LRFN2: variants seen among roughly 807,000 people sequenced by gnomAD.
LRFN2 encodes the protein leucine-rich repeat and fibronectin type-III domain-containing protein 2.
Under a neutral mutation model 37.3 loss-of-function variants are expected in LRFN2, and 18 were observed. The observed-to-expected ratio is 0.48, with a 90% CI of 0.33 to 0.72. LRFN2 has a LOEUF of 0.72. Among genes scored for constraint, LRFN2 ranks in the 30% least tolerant of loss-of-function variants. LRFN2 has a pLI of 0.02. For missense variants in LRFN2, 1,006 were observed against 1,060.7 expected (o/e 0.95, Z 0.72); for synonymous variants, 556 against 466.6 (o/e 1.19, Z -2.47).
chr6:40,423,819 G>A (rs1345635119), intron 2 of LRFN2, among the ~76,000 whole-genome samples: 2 of 152,098 alleles, frequency 1.3e-5, no homozygotes, highest in Non-Finnish European at 1.5e-5. Flanking sequence ...GGGATCACTG[G>A]TGCTCTAGCA....
At chr6:40,435,647 T>A (rs2113829313) in intron 1 of LRFN2, among the ~76,000 whole-genome samples, 1 of 152,254 alleles carries the variant, frequency 6.6e-6, no homozygotes, top group Middle Eastern at 3.4e-3. Context: ...CACGCCATTC[T>A]CCTGCCTCAG....
intron 1 of LRFN2, among the ~76,000 whole-genome samples, chr6:40,476,614 A>G (rs1327456556): frequency 2.6e-5 from 4 of 151,926 alleles, no homozygotes; most frequent in Non-Finnish European, 5.9e-5. Flanking sequence ...AAAGCTCAAC[A>G]CTCTTGGTCT....
intron 1 of LRFN2, among the ~76,000 whole-genome samples, chr6:40,567,088 G>A (rs1464034897): frequency 2.0e-5 from 3 of 152,078 alleles, no homozygotes; most frequent in Non-Finnish European, 4.4e-5. Flanking sequence ...GTTTTAAAGA[G>A]AGGAGAAGAC....
At chr6:40,548,440 C>CAAAAAAAAAAAAAAAAAAAAAAAAA (rs67639435) in intron 1 of LRFN2, among the ~76,000 whole-genome samples, 33 of 142,678 alleles carry the variant, frequency 2.3e-4, no homozygotes, top group Admixed American at 5.7e-4. Context: ...GACTCCATCT[C>CAAAAAAAAAAAAAAAAAAAAAAAAA]AAAAAAAAAA....
chr6:40,547,396 C>T lies in LRFN2; in HGVS notation c.-19+39545G>A, dbSNP rs114627943. ...CTGGGATTATAGGTGTGAGCCATCGCGCCTGGCCACAAACCTTAATTAAAT... is the reference window on the plus strand; with the variant it reads ...CTGGGATTATAGGTGTGAGCCATCGTGCCTGGCCACAAACCTTAATTAAAT... On this transcript the variant is annotated intron_variant, in intron 1 of 2. Coordinates refer to ENST00000338305, the MANE Select transcript of LRFN2 (RefSeq NM_020737.3). Among the ~76,000 whole-genome samples the T allele has an allele frequency of 4.8e-3, 729 of 152,232 alleles. 8 individuals are homozygous for T. The highest frequency in any genetic ancestry group is 0.016 in the African/African-American group (672 of 41,548).
chr6:40,541,562 G>T (rs572475628), intron 1 of LRFN2, among the ~76,000 whole-genome samples: 87 of 152,292 alleles, frequency 5.7e-4, no homozygotes, highest in Non-Finnish European at 1.1e-3. Context: ...AGACATCAGG[G>T]TGCTGATGGC....
chr6:40,538,441 T>C (rs1248165563), intron 1 of LRFN2, among the ~76,000 whole-genome samples: 2 of 152,174 alleles, frequency 1.3e-5, no homozygotes, highest in East Asian at 3.8e-4. Flanking sequence ...ACATGAATTA[T>C]CAGAAACACA....
chr6:40,576,543 C>T (rs1037445010), intron 1 of LRFN2, among the ~76,000 whole-genome samples: 1 of 152,254 alleles, frequency 6.6e-6, no homozygotes, highest in African/African-American at 2.4e-5. Context: ...TGGGTCCCAC[C>T]GGCCTTCCCT....
At chr6:40,518,798 G>T (rs1205361696) in intron 1 of LRFN2, among the ~76,000 whole-genome samples, 1 of 152,214 alleles carries the variant, frequency 6.6e-6, no homozygotes, top group Non-Finnish European at 1.5e-5. Context: ...GCCCTGGAAG[G>T]TTTACCATAT....
chr6:40,420,599 G>A (rs9380955), intron 2 of LRFN2, among the ~76,000 whole-genome samples: 3,411 of 152,300 alleles, frequency 0.022, 72 homozygotes, highest in East Asian at 0.079. Context: ...GCCATCATAC[G>A]CCTCCCCAAC....
intron 2 of LRFN2, among the ~76,000 whole-genome samples, chr6:40,415,978 G>A (rs936466022): frequency 1.2e-4 from 19 of 152,220 alleles, no homozygotes; most frequent in African/African-American, 4.6e-4. Context: ...GGTAGAGGGA[G>A]ATAGATTTGA....
At chr6:40,422,407 A>T (rs1200168265) in intron 2 of LRFN2, among the ~76,000 whole-genome samples, 1 of 152,154 alleles carries the variant, frequency 6.6e-6, no homozygotes, top group Non-Finnish European at 1.5e-5. Flanking sequence ...AAAAACGAGA[A>T]TATCCAGGCA....
At chr6:40,483,394 T>A (rs1033572732) in intron 1 of LRFN2, among the ~76,000 whole-genome samples, 1 of 152,200 alleles carries the variant, frequency 6.6e-6, no homozygotes, top group Non-Finnish European at 1.5e-5. Flanking sequence ...GCTTCCACCT[T>A]GGGGTTCACC....
At chr6:40,485,142 T>C (rs1194276284) in intron 1 of LRFN2, among the ~76,000 whole-genome samples, 2 of 152,192 alleles carry the variant, frequency 1.3e-5, no homozygotes, top group African/African-American at 4.8e-5. Context: ...AGGGAGGTCA[T>C]GTGTATAAAA....
rs188823108 is a variant in LRFN2 at position 40,554,633 on chromosome 6, C to T, written c.-19+32308G>A. Among the ~76,000 whole-genome samples the T allele has an allele frequency of 1.3e-3, 204 of 152,280 alleles. 1 individual carries two copies. The highest frequency in any genetic ancestry group is 4.7e-3 in the African/African-American group (194 of 41,550). ...TCTCCAGGCCACCCCTTCATATTCT[C>T]GCCACATAGAACCACTAGGCAGCTG... On this transcript the variant is annotated intron_variant, in intron 1 of 2. Transcript: ENST00000338305.
At chr6:40,542,235 T>C (rs1766566560) in intron 1 of LRFN2, among the ~76,000 whole-genome samples, 1 of 152,124 alleles carries the variant, frequency 6.6e-6, no homozygotes, top group South Asian at 2.1e-4. Flanking sequence ...CACCCTGCGA[T>C]GAGCTTTCTG....
chr6:40,581,115 C>A (rs1302028609), intron 1 of LRFN2, among the ~76,000 whole-genome samples: 2 of 152,062 alleles, frequency 1.3e-5, no homozygotes, highest in African/African-American at 4.8e-5. Context: ...CCAAACGAAA[C>A]CCAGTTACAG....
chr6:40,492,014 C>G (rs999914843), intron 1 of LRFN2, among the ~76,000 whole-genome samples: 5 of 144,406 alleles, frequency 3.5e-5, no homozygotes, highest in Non-Finnish European at 6.1e-5. Flanking sequence ...GCAGCTTACC[C>G]TCTCTGAGTG....
intron 1 of LRFN2, among the ~76,000 whole-genome samples, chr6:40,582,505 C>T (rs1368823965): frequency 6.6e-6 from 1 of 151,944 alleles, no homozygotes; most frequent in African/African-American, 2.4e-5. Context: ...AGTTTAACAC[C>T]TATATCTTGT....
Sources: allele counts gnomAD v4.1 joint callset (sites outside exome capture counted in the v4.1 genomes callset), GRCh38; gene constraint gnomAD v4.1.1; transcripts MANE v1.5; gene names NCBI Gene and HGNC (gene_info 2026-07-23, HGNC 2026-07-21).